ZNF503: variants seen among roughly 807,000 people sequenced by gnomAD.
ZNF503 encodes the protein zinc finger protein 503.
A neutral mutation model predicts 34.4 loss-of-function variants in ZNF503; 15 were observed. The ratio of observed to expected loss-of-function variants is 0.44; its 90% CI spans 0.29 to 0.67. ZNF503 has a LOEUF of 0.67. Ranked by LOEUF, ZNF503 falls within the 30% of genes least tolerant of loss-of-function variation. The pLI, the probability that ZNF503 is intolerant of heterozygous loss-of-function variation, is 0.13. For missense variants in ZNF503, 1,007 were observed against 926.8 expected, an observed-to-expected ratio of 1.09 and a Z score of -1.12; for synonymous variants, 580 against 456.8, an observed-to-expected ratio of 1.27 and a Z score of -3.44.
At chr10:75,365,031 G>T in the ZNF503 span, among the ~76,000 whole-genome samples, 1 of 152,240 alleles carries the variant, frequency 6.6e-6, no homozygotes, top group Non-Finnish European at 1.5e-5. Context: ...CCGAGGCAGA[G>T]TCCTTGTGTC....
the ZNF503 span, among the ~76,000 whole-genome samples, chr10:75,308,977 G>A: frequency 6.6e-6 from 1 of 152,076 alleles, no homozygotes; most frequent in Non-Finnish European, 1.5e-5. Flanking sequence ...GAGTAGCTGG[G>A]ACCACAGGTG....
chr10:75,383,596 CAGTCT>C, the ZNF503 span, among the ~76,000 whole-genome samples: 1 of 152,338 alleles, frequency 6.6e-6, no homozygotes, highest in Non-Finnish European at 1.5e-5. Flanking sequence ...CTCAGCCGCT[CAGTCT>C]CCTGGTCACT....
chr10:75,319,460 T>C, the ZNF503 span, among the ~76,000 whole-genome samples: 1 of 152,268 alleles, frequency 6.6e-6, no homozygotes, highest in South Asian at 2.1e-4. Context: ...ATATATAATG[T>C]AATACCTAGA....
At chr10:75,377,774 G>A in the ZNF503 span, among the ~76,000 whole-genome samples, 2 of 152,200 alleles carry the variant, frequency 1.3e-5, no homozygotes, top group African/African-American at 4.8e-5. Flanking sequence ...ACACATGATG[G>A]TCCCAGAACA....
At chr10:75,291,770 A>G in the ZNF503 span, among the ~76,000 whole-genome samples, 1 of 152,350 alleles carries the variant, frequency 6.6e-6, no homozygotes, top group East Asian at 1.9e-4. Context: ...GATAAGGATG[A>G]ACATCCAGAG....
rs1466534899 is a variant in ZNF503, at chr10:75,400,183, C to G, written c.507G>C (p.Val169=). 1 of 1,583,348 alleles carries G rather than the reference C, an allele frequency of 6.3e-7. No homozygotes were observed. Among genetic ancestry groups the G allele is most frequent in the Non-Finnish European group, 8.6e-7 (1 of 1,166,194 alleles). ...ACGGCTTGAAACTCGACTTGTCCTC[C>G]ACGCCGATGTCGCTCAGCTTCAGGG... The part of the protein sequence containing the change: ...SGPLKLSDIG[V]EDKSSFKPYS... Residue 169 remains valine (V), a synonymous_variant, in exon 2 of 2, where the codon GTG becomes GTC. Coordinates refer to ENST00000372524, the MANE Select transcript of ZNF503 (RefSeq NM_032772.6).
At chr10:75,352,976 C>T in the ZNF503 span, among the ~76,000 whole-genome samples, 1 of 152,192 alleles carries the variant, frequency 6.6e-6, no homozygotes. Context: ...TCTAGAGGAG[C>T]ACCCACACAA....
At chr10:75,329,027 G>A in the ZNF503 span, among the ~76,000 whole-genome samples, 8 of 152,028 alleles carry the variant, frequency 5.3e-5, no homozygotes, top group Non-Finnish European at 8.8e-5. Context: ...GATTATAGGC[G>A]TGAGCCACCG....
chr10:75,382,497 C>A, the ZNF503 span: 1 of 731,008 alleles, frequency 1.4e-6, no homozygotes, highest in South Asian at 1.5e-5. Context: ...TTGACAGCAG[C>A]AACCTCTTCT....
At chr10:75,349,900 C>A in the ZNF503 span, among the ~76,000 whole-genome samples, 1 of 152,210 alleles carries the variant, frequency 6.6e-6, no homozygotes, top group Non-Finnish European at 1.5e-5. Context: ...ACCCAGAAAG[C>A]CTGTCGGAAA....
the ZNF503 span, among the ~76,000 whole-genome samples, chr10:75,334,220 G>C: frequency 6.6e-6 from 1 of 151,876 alleles, no homozygotes; most frequent in African/African-American, 2.4e-5. Context: ...CGCGGGGCCC[G>C]TCCGCTCCTC....
rs541089755 is a variant in ZNF503, at chr10:75,401,447, G to C, written c.-28C>G. 606 of 1,522,526 alleles carry C rather than the reference G, an allele frequency of 4.0e-4. 1 individual carries two copies. The highest frequency in any genetic ancestry group is 8.6e-4 in the Admixed American group (42 of 49,112). The allele number at this position is 1,522,526 out of a possible 1,614,324, so 94.3% of individuals were successfully genotyped here. On this transcript the variant is annotated 5_prime_UTR_variant, in exon 1 of 2. Coordinates refer to ENST00000372524, the MANE Select transcript of ZNF503 (RefSeq NM_032772.6). ...CCCACCCGCGCGCATGGGAGCAGCGGGGGGGAGGGCTCCGGGAGGCGCGGG... is the reference window on the plus strand; with the variant it reads ...CCCACCCGCGCGCATGGGAGCAGCGCGGGGGAGGGCTCCGGGAGGCGCGGG...
At chr10:75,349,188 T>A in the ZNF503 span, among the ~76,000 whole-genome samples, 1 of 152,244 alleles carries the variant, frequency 6.6e-6, no homozygotes, top group Admixed American at 6.5e-5. Flanking sequence ...ATCCCAATAA[T>A]GTTCTTTATG....
the ZNF503 span, among the ~76,000 whole-genome samples, chr10:75,298,083 A>G: frequency 1.3e-5 from 2 of 152,328 alleles, no homozygotes; most frequent in South Asian, 4.1e-4. Context: ...ATCATCCCAA[A>G]GAATCCTCCT....
the ZNF503 span, among the ~76,000 whole-genome samples, chr10:75,331,860 C>A: frequency 6.6e-6 from 1 of 152,216 alleles, no homozygotes; most frequent in African/African-American, 2.4e-5. Flanking sequence ...GTGTTGGGTG[C>A]ATGTATATTA....
chr10:75,375,909 G>A, the ZNF503 span, among the ~76,000 whole-genome samples: 29 of 152,306 alleles, frequency 1.9e-4, no homozygotes, highest in South Asian at 5.6e-3. Flanking sequence ...GGATTCTGGA[G>A]GAAATCTAGT....
At chr10:75,392,814 T>A in the ZNF503 span, among the ~76,000 whole-genome samples, 6 of 152,160 alleles carry the variant, frequency 3.9e-5, no homozygotes, top group Admixed American at 3.9e-4. Flanking sequence ...AGAAACAAAC[T>A]TGTCTTTACT....
chr10:75,400,022 G>A lies in ZNF503; in HGVS notation c.668C>T (p.Thr223Met). The A allele has an allele frequency of 1.9e-6, 3 of 1,603,688 alleles. No homozygotes were observed. Among genetic ancestry groups the A allele is most frequent in the East Asian group, 4.5e-5 (2 of 44,660 alleles). ...GGAGCTCGGGCTGCCTGTCCTGGGC[G>A]TGAATGGCTGGCAGGTGGCGCTCGG... ...RVPSATCQPF[T>M]PRTGSPSSSA... The change falls in exon 2 of 2, where the codon ACG becomes ATG. Residue 223 changes from threonine (T) to methionine (M), a missense_variant. By Grantham distance (81) the Thr-to-Met change is moderately conservative (BLOSUM62 -1). Coordinates refer to ENST00000372524, the MANE Select transcript of ZNF503 (RefSeq NM_032772.6).
At chr10:75,325,139 A>G in the ZNF503 span, among the ~76,000 whole-genome samples, 1 of 152,044 alleles carries the variant, frequency 6.6e-6, no homozygotes, top group East Asian at 1.9e-4. Flanking sequence ...TTTTTGTATA[A>G]GGCGTGAGGT....
Sources: allele counts gnomAD v4.1 joint callset (sites outside exome capture counted in the v4.1 genomes callset), GRCh38; gene constraint gnomAD v4.1.1; transcripts MANE v1.5; gene names NCBI Gene and HGNC (gene_info 2026-07-23, HGNC 2026-07-21).